Variants in AGBL5 observed in about 807,000 individuals in gnomAD.
AGBL5 encodes AGBL carboxypeptidase 5, also known as cytosolic carboxypeptidase-like protein 5.
AGBL5 carries 51 observed loss-of-function variants against 88.0 expected under a neutral mutation model. The ratio of observed to expected loss-of-function variants is 0.58; its 90% CI spans 0.46 to 0.73. The LOEUF is 0.73. Among genes scored for constraint, AGBL5 ranks in the 30% least tolerant of loss-of-function variants. AGBL5 has a pLI of 0.00. For synonymous variants in AGBL5, 446 were observed against 438.8 expected (o/e 1.02, Z -0.21); for missense variants, 1,031 against 1,162.2 (o/e 0.89, Z 1.64).
chr2:27,069,498 A>T, intron 13 of AGBL5, 75 bp from the exon 14 acceptor site: 1 of 1,572,794 alleles, frequency 6.4e-7, no homozygotes, highest in South Asian at 1.2e-5. Flanking sequence ...TTATGCATGG[A>T]AACTCTAGAA....
chr2:27,070,255 C>A lies in AGBL5; in HGVS notation c.2653C>A (p.Arg885=), dbSNP rs367669730. The A allele has an allele frequency of 6.2e-7, 1 of 1,614,174 alleles. No homozygotes were observed. Among genetic ancestry groups the A allele is most frequent in the Non-Finnish European group, 8.5e-7 (1 of 1,180,020 alleles). Residue 885 remains arginine, a synonymous_variant, in exon 15 of 15, where the codon CGG becomes AGG. Transcript: ENST00000360131. ...PKSPPLTVSP[R]V ...ATCTCCCCCACTGACTGTTTCTCCC[C>A]GGGTCTGATAATGCCTTTATGTTCA...
In AGBL5 at chr2:27,052,999, T is replaced by G. The variant is rs1201108792; in HGVS notation, c.41T>G (p.Phe14Cys). ...GGGGGATTGCTGTTCAGTTCTCGCT[T>G]TGATTCAGGGAATCTAGCCCACGTG... The part of the protein sequence containing the change: ...RCGGLLFSSR[F>C]DSGNLAHVEK... The change falls in exon 2 of 15, where the codon TTT (phenylalanine) becomes TGT (cysteine). Residue 14 changes from phenylalanine to cysteine, a missense_variant. By Grantham distance (205) the Phe-to-Cys change is radical (BLOSUM62 -2). This residue lies in a region of AGBL5 where 540 missense variants were observed against 678.2 expected (regional missense o/e 0.80). Coordinates refer to ENST00000360131, the MANE Select transcript of AGBL5 (RefSeq NM_021831.6). 6.2e-7 allele frequency: 1 copy of G among 1,613,448 alleles called. No homozygotes were observed. The highest frequency in any genetic ancestry group is 8.5e-7 in the Non-Finnish European group (1 of 1,179,688).
At chr2:27,065,623 C>T (rs1668947531) in intron 11 of AGBL5, among the ~76,000 whole-genome samples, 1 of 152,186 alleles carries the variant, frequency 6.6e-6, no homozygotes, top group Admixed American at 6.5e-5. Context: ...GTAGTATGTG[C>T]CTTTAAGTAC....
At chr2:27,060,914 T>TG (rs1668686846) in intron 11 of AGBL5, 1 of 152,246 alleles carries the variant, frequency 6.6e-6, no homozygotes, top group South Asian at 2.1e-4. Flanking sequence ...ATGGGATGGA[T>TG]GTTGTTTCCA....
chr2:27,053,179 T>A lies in AGBL5; in HGVS notation c.215+6T>A, dbSNP rs369620466. ...GAATTTGAGAATGGGAACAGGTATA[T>A]GGAACGAAATGGAGGGTGGAAAAAG... is the stretch of plus-strand genomic sequence containing the variant. On this transcript the variant is annotated splice_donor_region_variant and intron_variant, in intron 2 of 14. Transcript: ENST00000360131. The surrounding 1 kb of genome is among the most constrained non-coding windows in gnomAD (Gnocchi z 4.9). 6.3e-7 allele frequency: 1 copy of A among 1,576,638 alleles called. No homozygotes were observed. Among genetic ancestry groups the A allele is most frequent in the Non-Finnish European group, 8.6e-7 (1 of 1,158,138 alleles).
chr2:27,069,722 C>T lies in AGBL5; in HGVS notation c.2489+16C>T. 2 of 1,604,278 alleles carry T rather than the reference C, an allele frequency of 1.2e-6. No individual in the cohort carries two copies. Among genetic ancestry groups the T allele is most frequent in the Non-Finnish European group, 1.7e-6 (2 of 1,172,888 alleles). ...CTACACCAGGGTGAGCACTTGGGTCCAGTCCCTCACACCACCCCTCACTTC... is the reference window on the plus strand; with the variant it reads ...CTACACCAGGGTGAGCACTTGGGTCTAGTCCCTCACACCACCCCTCACTTC... On this transcript the variant is annotated intron_variant, in intron 14 of 14. Coordinates refer to ENST00000360131, the MANE Select transcript of AGBL5 (RefSeq NM_021831.6).
At chr2:27,065,615 A>C (rs562613252) in intron 11 of AGBL5, among the ~76,000 whole-genome samples, 51 of 152,386 alleles carry the variant, frequency 3.3e-4, no homozygotes, top group African/African-American at 1.2e-3. Context: ...TTTATTGAGT[A>C]GTATGTGCCT....
At chr2:27,057,142 C>CAGT (rs370699569) in intron 8 of AGBL5, 161 bp from the exon 9 acceptor site, 6 of 738,804 alleles carry the variant, frequency 8.1e-6, no homozygotes, top group Non-Finnish European at 1.3e-5. Context: ...GTATATGGTA[C>CAGT]AGTACCAAGG....
intron 14 of AGBL5, 37 bp from the exon 15 acceptor site, chr2:27,070,055 T>A: frequency 6.3e-7 from 1 of 1,588,688 alleles, no homozygotes; most frequent in Non-Finnish European, 8.6e-7. Flanking sequence ...GGAGGAGAGT[T>A]TTCACAGCCC....
intron 11 of AGBL5, chr2:27,060,913 ATGT>A (rs1401165948): frequency 6.6e-6 from 1 of 152,240 alleles, no homozygotes; most frequent in Non-Finnish European, 1.5e-5. Flanking sequence ...TATGGGATGG[ATGT>A]TGTTTCCATT....
chr2:27,058,135 TAGG>T (rs1463458763), intron 9 of AGBL5, among the ~76,000 whole-genome samples: 2 of 151,124 alleles, frequency 1.3e-5, no homozygotes, highest in African/African-American at 2.4e-5. Flanking sequence ...CCTTTCCTGC[TAGG>T]AGAATTCCTT....
intron 11 of AGBL5, chr2:27,060,916 T>A (rs975549558): frequency 6.6e-6 from 1 of 152,260 alleles, no homozygotes; most frequent in South Asian, 2.1e-4. Context: ...GGGATGGATG[T>A]TGTTTCCATT....
At position 27,053,249 on chromosome 2, in the gene AGBL5, T is replaced by G; in HGVS notation, c.215+76T>G. 6.6e-7 allele frequency: 1 copy of G among 1,519,126 alleles called. No individual in the cohort carries two copies. Among genetic ancestry groups the G allele is most frequent in the Non-Finnish European group, 8.9e-7 (1 of 1,121,394 alleles). 94.1% of individuals were successfully genotyped at this position (1,519,126 alleles called of 1,614,324 possible). A position where few individuals can be genotyped will look rare whatever the true frequency, so the allele number is the denominator to read the frequency against. On this transcript the variant is annotated intron_variant, in intron 2 of 14. Transcript: ENST00000360131. This position sits in a 1 kb window ranked among gnomAD's most constrained non-coding sequence, Gnocchi z 4.9. ...GTTAGCCCTCTGACTTATCTGTTCATACCCAGCATACTCCCTGTCCATTTC... is the reference window on the plus strand; with the variant it reads ...GTTAGCCCTCTGACTTATCTGTTCAGACCCAGCATACTCCCTGTCCATTTC...
chr2:27,054,589 C>T, intron 4 of AGBL5, 41 bp from the exon 5 acceptor site: 1 of 1,587,490 alleles, frequency 6.3e-7, no homozygotes, highest in South Asian at 1.2e-5. Context: ...CTTACTAGGA[C>T]TTTAGGGACT....
At chr2:27,067,713 A>C in intron 12 of AGBL5, 67 bp downstream of exon 12, 1 of 1,594,006 alleles carries the variant, frequency 6.3e-7, no homozygotes, top group Non-Finnish European at 8.6e-7. Context: ...AGGTTCTTTA[A>C]GCCTAGTTGG....
chr2:27,055,103 C>T lies in AGBL5; in HGVS notation c.758C>T (p.Pro253Leu). The change falls in exon 6 of 15, where the codon CCA (proline) becomes CTA (leucine). Residue 253 changes from proline to leucine, a missense_variant. This residue lies in a region of AGBL5 where 540 missense variants were observed against 678.2 expected (regional missense o/e 0.80). Coordinates refer to ENST00000360131, the MANE Select transcript of AGBL5 (RefSeq NM_021831.6). Reference protein sequence around the residue: ...RIFFLSSRVHPGETPSSFVFN... With the variant: ...RIFFLSSRVHLGETPSSFVFN... Reference sequence around the variant, plus strand: ...TTCTTCTTAAGCAGTAGAGTACACCCAGGGGAGACTCCATCTAGCTTTGTC... The same window carrying T: ...TTCTTCTTAAGCAGTAGAGTACACCTAGGGGAGACTCCATCTAGCTTTGTC... 6.2e-7 allele frequency: 1 copy of T among 1,614,196 alleles called. No homozygotes were observed. The highest frequency in any genetic ancestry group is 8.5e-7 in the Non-Finnish European group (1 of 1,180,020).
intron 11 of AGBL5, chr2:27,062,537 TC>T (rs1325189038): frequency 6.6e-6 from 1 of 152,076 alleles, no homozygotes; most frequent in East Asian, 1.9e-4. Flanking sequence ...CTCTGTTACT[TC>T]CCCCTACCAA....
intron 11 of AGBL5, among the ~76,000 whole-genome samples, chr2:27,066,506 AGTAGAGCAGGAGAG>A (rs1338532796): frequency 6.6e-6 from 1 of 152,180 alleles, no homozygotes; most frequent in East Asian, 1.9e-4. Context: ...TTTAAGAGTA[AGTAGAGCAGGAGAG>A]GCCCAAGGAC....
intron 6 of AGBL5, 187 bp from the exon 7 acceptor site, chr2:27,055,495 T>G: frequency 1.2e-6 from 1 of 804,140 alleles, no homozygotes; most frequent in South Asian, 1.9e-5. Context: ...AGGAAGCTCC[T>G]TAGGGTTCTA....
Sources: allele counts gnomAD v4.1 joint callset (sites outside exome capture counted in the v4.1 genomes callset), GRCh38; gene constraint gnomAD v4.1.1; regional missense constraint gnomAD v4.1.1; non-coding constraint Gnocchi (gnomAD v3.1); transcripts MANE v1.5; gene names NCBI Gene and HGNC (gene_info 2026-07-23, HGNC 2026-07-21).